PES1: variants seen among roughly 807,000 people sequenced by gnomAD.
PES1 encodes pescadillo homolog.
Under a neutral mutation model 77.1 loss-of-function variants are expected in PES1, and 31 were observed. The observed-to-expected ratio is 0.40, with a 90% CI of 0.30 to 0.54. The LOEUF is 0.54. PES1 is among the 20% of genes least tolerant of loss of function. The pLI is 0.45. For synonymous variants in PES1, 282 were observed against 303.0 expected (o/e 0.93, Z 0.72); for missense variants, 658 against 771.7 (o/e 0.85, Z 1.75).
upstream of PES1, among the ~76,000 whole-genome samples, chr22:30,592,707 G>C (rs2146483898): frequency 6.6e-6 from 1 of 152,338 alleles, no homozygotes; most frequent in African/African-American, 2.4e-5. Flanking sequence ...TGACGCAGGA[G>C]AATCGCTTGA....
chr22:30,579,087 C>T, intron 13 of PES1, 50 bp downstream of exon 13: 1 of 1,604,564 alleles, frequency 6.2e-7, no homozygotes, highest in African/African-American at 1.3e-5. Flanking sequence ...AGAGCAGGCA[C>T]CAAGCAGGGC....
At chr22:30,580,880 C>T in intron 9 of PES1, 132 bp downstream of exon 9, 1 of 1,165,208 alleles carries the variant, frequency 8.6e-7, no homozygotes, top group Non-Finnish European at 1.2e-6. Context: ...GATGACAATT[C>T]AGCCCATTCT....
intron 1 of PES1, chr22:30,605,589 C>T: frequency 1.7e-6 from 1 of 590,570 alleles, no homozygotes; most frequent in Non-Finnish European, 2.1e-6. Context: ...CAGTCCCACC[C>T]AGGACCAAGG....
chr22:30,599,160 G>A (rs141308978), intron 2 of PES1, among the ~76,000 whole-genome samples: 5,934 of 152,070 alleles, frequency 0.039, 161 homozygotes, highest in Middle Eastern at 0.071. Flanking sequence ...GCATCCCAAA[G>A]TGCTGGGATT....
At chr22:30,605,344 C>T (rs761720560) in intron 2 of PES1, 17 of 389,146 alleles carry the variant, frequency 4.4e-5, no homozygotes, top group Admixed American at 6.4e-5. Flanking sequence ...TACTCCCCCA[C>T]CCTCTAGCAC....
intron 4 of PES1, 158 bp downstream of exon 4, chr22:30,587,128 T>C: frequency 1.6e-6 from 1 of 621,400 alleles, no homozygotes; most frequent in South Asian, 1.9e-5. Flanking sequence ...GTAATCATTA[T>C]AGTAATTTGC....
Position 30,588,160 on chromosome 22 carries a change from A to G in PES1, c.119T>C (p.Leu40Pro), listed in dbSNP as rs768029133. The G allele has an allele frequency of 3.6e-5, 58 of 1,614,108 alleles. No individual in the cohort carries two copies. The highest frequency in any genetic ancestry group is 4.3e-5 in the Non-Finnish European group (51 of 1,180,056). ...SLADFRRLCI[L>P]KGIYPHEPKH... is the part of the protein sequence containing the mutation. ...GGGTTCATGGGGATAAATGCCCTTCAGAATGCACAGCCGCCTGGAAGACAG... is the reference window on the plus strand; with the variant it reads ...GGGTTCATGGGGATAAATGCCCTTCGGAATGCACAGCCGCCTGGAAGACAG... Residue 40 changes from leucine (L) to proline (P), a missense_variant, in exon 3 of 15, where the codon CTG (leucine) becomes CCG (proline). Transcript: ENST00000354694.
At chr22:30,596,971 C>G (rs1400765766) in intron 2 of PES1, among the ~76,000 whole-genome samples, 1 of 152,228 alleles carries the variant, frequency 6.6e-6, no homozygotes, top group Non-Finnish European at 1.5e-5. Flanking sequence ...GCCGGCCGGC[C>G]CCGCTGGCCA....
chr22:30,588,007 A>T lies in PES1; in HGVS notation c.258+14T>A. On this transcript the variant is annotated intron_variant, in intron 3 of 14. Transcript: ENST00000354694. ...GCGATGAGAACCTGACAGACCCTAG[A>T]GCCCAGACCTCACCTTGTATTCACG... 6.2e-7 allele frequency: 1 copy of T among 1,612,932 alleles called. No individual in the cohort carries two copies.
chr22:30,579,466 G>A (rs1259208974), intron 12 of PES1, 163 bp from the exon 13 acceptor site: 4 of 1,170,548 alleles, frequency 3.4e-6, no homozygotes, highest in Non-Finnish European at 4.8e-6. Context: ...CCACAGCCCA[G>A]CTGCCATCAG....
intron 1 of PES1, chr22:30,606,451 A>G (rs997637447): frequency 3.9e-5 from 6 of 152,064 alleles, no homozygotes; most frequent in African/African-American, 1.2e-4. Context: ...GTGTTTCCCC[A>G]TGTTGCCCAG....
intron 2 of PES1, among the ~76,000 whole-genome samples, chr22:30,599,745 C>A (rs1171234575): frequency 6.6e-6 from 1 of 151,860 alleles, no homozygotes; most frequent in African/African-American, 2.4e-5. Flanking sequence ...ACTAAAAATA[C>A]AAAAATTAGC....
In PES1 at chr22:30,580,554, C is replaced by T. The variant is rs1406521256; in HGVS notation, c.1043+17G>A. On this transcript the variant is annotated intron_variant, in intron 10 of 14. Transcript: ENST00000354694. ...TGGCCGAACCAATGCTGTCAGCGGG[C>T]CCTTGAGCCTCCCTACCTGATGATG... is the stretch of plus-strand genomic sequence containing the variant. 1.9e-6 allele frequency: 3 copies of T among 1,613,368 alleles called. No homozygotes were observed. The highest frequency in any genetic ancestry group is 2.5e-6 in the Non-Finnish European group (3 of 1,179,830).
chr22:30,580,926 A>G (rs1053543443), intron 9 of PES1, 86 bp downstream of exon 9: 8 of 1,254,454 alleles, frequency 6.4e-6, no homozygotes, highest in Non-Finnish European at 9.0e-6. Flanking sequence ...ATAACACCTA[A>G]TTATAGGATG....
intron 10 of PES1, among the ~76,000 whole-genome samples, 195 bp downstream of exon 10, chr22:30,580,376 T>C (rs1222193062): frequency 6.6e-6 from 1 of 152,194 alleles, no homozygotes; most frequent in Non-Finnish European, 1.5e-5. Context: ...GCTAAGCTAG[T>C]AATAAAATGA....
chr22:30,583,759 A>G (rs2087021657), intron 6 of PES1, among the ~76,000 whole-genome samples: 1 of 152,250 alleles, frequency 6.6e-6, no homozygotes, highest in African/African-American at 2.4e-5. Flanking sequence ...CCCTATCTCT[A>G]TTTTAAAAGA....
At chr22:30,589,568 T>G (rs879884931) in intron 1 of PES1, among the ~76,000 whole-genome samples, 1 of 152,242 alleles carries the variant, frequency 6.6e-6, no homozygotes, top group Non-Finnish European at 1.5e-5. Context: ...GCCATTACAA[T>G]TAGTGATTTT....
At chr22:30,581,487 C>T in intron 7 of PES1, 41 bp downstream of exon 7, 1 of 1,605,092 alleles carries the variant, frequency 6.2e-7, no homozygotes, top group Non-Finnish European at 8.5e-7. Flanking sequence ...AGGGCTGTGG[C>T]CCCTGCACGG....
chr22:30,600,409 G>A (rs546271813), intron 2 of PES1, among the ~76,000 whole-genome samples: 2 of 152,282 alleles, frequency 1.3e-5, no homozygotes, highest in Admixed American at 6.5e-5. Context: ...TTGGCCAGGC[G>A]TGGTGGTTCA....
Sources: gnomAD v4.1 joint callset for allele counts (sites outside exome capture counted in the v4.1 genomes callset) on GRCh38, gnomAD v4.1.1 for gene constraint, MANE v1.5 for transcripts, NCBI Gene and HGNC (gene_info 2026-07-23, HGNC 2026-07-21) for gene names.